SCML1: variants seen among roughly 807,000 people sequenced by gnomAD.
The protein encoded by SCML1 is sex comb on midleg-like protein 1.
For missense variants in SCML1, 137 were observed against 258.1 expected (o/e 0.53, Z 3.22); for synonymous variants, 104 against 103.6 (o/e 1.00, Z -0.02).
Position 17,749,428 on chromosome X carries a change from A to T in SCML1, c.227A>T (p.Asp76Val), listed in dbSNP as rs748297098. 1.7e-6 allele frequency: 2 copies of T among 1,193,448 alleles called. No homozygotes were observed. The highest frequency in any genetic ancestry group is 2.3e-6 in the Non-Finnish European group (2 of 881,290). The change falls in exon 5 of 8, where the codon GAT (aspartate) becomes GTT (valine). Residue 76 changes from aspartate to valine, a missense_variant. Transcript: ENST00000380041. ...ATATATGATGCTCTGCAAAACCTGG[A>T]TAAGAAGATTGATGTGATTCGTAGA... is the stretch of plus-strand genomic sequence containing the variant. ...QVIYDALQNL[D>V]KKIDVIRRKV...
chrX:17,752,926 T>A (rs761038821), intron 7 of SCML1, among the ~76,000 whole-genome samples: 12 of 111,278 alleles, frequency 1.1e-4, no homozygotes, highest in African/African-American at 3.9e-4. Context: ...TTTTTACTAT[T>A]CATAGTCTTT....
chrX:17,743,355 CT>C (rs2066614700), intron 1 of SCML1, among the ~76,000 whole-genome samples: 2 of 111,577 alleles, frequency 1.8e-5, no homozygotes, highest in Admixed American at 9.6e-5. Flanking sequence ...GATAGGGTAG[CT>C]CTTTCATTAA....
At chrX:17,747,258 T>C (rs1383337041) in intron 4 of SCML1, among the ~76,000 whole-genome samples, 1 of 111,555 alleles carries the variant, frequency 9.0e-6, no homozygotes, top group Non-Finnish European at 1.9e-5. Context: ...CCTTGCTGCT[T>C]TCTGCATCTA....
At chrX:17,750,430 C>A in intron 6 of SCML1, 137 bp downstream of exon 6, 1 of 621,988 alleles carries the variant, frequency 1.6e-6, no homozygotes, top group Non-Finnish European at 2.4e-6. Flanking sequence ...GCCATATTTA[C>A]AAGTAGCACT....
intron 1 of SCML1, among the ~76,000 whole-genome samples, chrX:17,738,961 A>G (rs2066567953): frequency 8.9e-6 from 1 of 112,249 alleles, no homozygotes; most frequent in African/African-American, 3.2e-5. Flanking sequence ...AGTGAAAAGG[A>G]ACTAAAGTGT....
intron 6 of SCML1, 44 bp from the exon 7 acceptor site, chrX:17,751,771 G>A (rs765618128): frequency 2.6e-6 from 3 of 1,172,850 alleles, no homozygotes; most frequent in South Asian, 3.7e-5. Context: ...TGATCAGGTC[G>A]AGTGTGATTT....
rs1243987065 is a variant in SCML1, at chrX:17,753,641, T to C, written c.*249T>C. ...CTTTATAGGTCTTTAAAAATTACTT[T>C]TATTATATTGTTTACAAATATATTT... On this transcript the variant is annotated 3_prime_UTR_variant, in exon 8 of 8. Transcript: ENST00000380041. 1.2e-5 allele frequency: 2 copies of C among 169,770 alleles called. No homozygotes were observed. The highest frequency in any genetic ancestry group is 2.2e-5 in the Non-Finnish European group (2 of 91,826). The allele number at this position is 169,770 out of a possible 1,213,427, so 14.0% of individuals were successfully genotyped here.
chrX:17,749,870 T>G, intron 5 of SCML1, 24 bp from the exon 6 acceptor site: 1 of 1,180,292 alleles, frequency 8.5e-7, no homozygotes, highest in Non-Finnish European at 1.1e-6. Context: ...ACTGTTGGTT[T>G]ATGCTGTGTT....
chrX:17,749,356 T>G (rs2066680427), intron 4 of SCML1, 44 bp from the exon 5 acceptor site: 2 of 732,389 alleles, frequency 2.7e-6, no homozygotes, highest in African/African-American at 4.4e-5. Context: ...AAAATTATAT[T>G]TTACATTGTA....
intron 4 of SCML1, among the ~76,000 whole-genome samples, chrX:17,747,363 T>A: frequency 9.0e-6 from 1 of 111,113 alleles, no homozygotes; most frequent in Non-Finnish European, 1.9e-5. Flanking sequence ...CTACGAGTTC[T>A]CCCACATCTT....
rs1359799761 is a variant in SCML1, at chrX:17,745,551, G to T, written c.117+12G>T. 2.3e-5 allele frequency: 22 copies of T among 956,788 alleles called. No homozygotes were observed. The highest frequency in any genetic ancestry group is 3.0e-5 in the Non-Finnish European group (20 of 673,151). 78.9% of individuals were successfully genotyped at this position (956,788 alleles called of 1,213,427 possible). A position where few individuals can be genotyped will look rare whatever the true frequency, so the allele number is the denominator to read the frequency against. On this transcript the variant is annotated intron_variant, in intron 3 of 7. Coordinates refer to ENST00000380041, the MANE Select transcript of SCML1 (RefSeq NM_001037540.3). ...AATTTGTCAATAAAGTATGTTAATT[G>T]CTAATTGCCAAATATATTAACATTT...
intron 1 of SCML1, among the ~76,000 whole-genome samples, chrX:17,740,504 CA>C (rs749105829): frequency 0.013 from 1,268 of 94,901 alleles, 14 homozygotes; most frequent in African/African-American, 0.036. Flanking sequence ...ATTTTACAGA[CA>C]AAAAAAAAAA....
rs745606481 is a variant in SCML1 at position 17,753,266 on chromosome X, C to T, written c.864C>T (p.Asp288=). ...LVDLFRSHEI[D]GKALLLLTSD... ...GTTTCTTCTCTCCATAGGAAATTGA[C>T]GGGAAGGCTCTGCTCCTACTCACGA... Residue 288 remains aspartate, a synonymous_variant, in exon 8 of 8, where the codon GAC becomes GAT. Transcript: ENST00000380041. 23 of 1,135,579 alleles carry T rather than the reference C, an allele frequency of 2.0e-5. No individual in the cohort carries two copies. The East Asian group carries it at 4.0e-4, about 20-fold the overall frequency. The allele number at this position is 1,135,579 out of a possible 1,213,427, so 93.6% of individuals were successfully genotyped here.
intron 4 of SCML1, among the ~76,000 whole-genome samples, chrX:17,748,955 G>T (rs1454094360): frequency 8.9e-6 from 1 of 112,536 alleles, no homozygotes; most frequent in Non-Finnish European, 1.9e-5. Context: ...TTCTGGAGTG[G>T]AACACTCACT....
intron 2 of SCML1, 176 bp from the exon 3 acceptor site, chrX:17,745,280 C>T: frequency 2.5e-6 from 1 of 397,039 alleles, no homozygotes; most frequent in Non-Finnish European, 4.4e-6. Flanking sequence ...TTAATGAGAA[C>T]ACAGTTCTGC....
intron 6 of SCML1, 113 bp downstream of exon 6, chrX:17,750,406 G>A: frequency 2.4e-6 from 2 of 822,205 alleles, no homozygotes; most frequent in Non-Finnish European, 3.3e-6. Context: ...CTTCTGGTTT[G>A]GTGAGTTTGA....
chrX:17,749,827 T>C, intron 5 of SCML1, 67 bp from the exon 6 acceptor site: 1 of 962,523 alleles, frequency 1.0e-6, no homozygotes, highest in South Asian at 2.3e-5. Flanking sequence ...AGTATTAATG[T>C]ATTTGCTACT....
intron 6 of SCML1, among the ~76,000 whole-genome samples, chrX:17,751,377 A>T (rs754585093): frequency 8.9e-5 from 10 of 112,447 alleles, no homozygotes; most frequent in African/African-American, 3.2e-4. Flanking sequence ...AATTTCCATT[A>T]TATTTTGCTA....
Position 17,753,626 on chromosome X carries a change from C to A in SCML1, c.*234C>A. On this transcript the variant is annotated 3_prime_UTR_variant, in exon 8 of 8. Transcript: ENST00000380041. ...AATAGAAAATTCATTCTTTATAGGT[C>A]TTTAAAAATTACTTTTATTATATTG... The A allele has an allele frequency of 5.7e-6, 1 of 175,491 alleles. No homozygotes were observed. Among genetic ancestry groups the A allele is most frequent in the Non-Finnish European group, 1.1e-5 (1 of 95,219 alleles). The allele number at this position is 175,491 out of a possible 1,213,427, so 14.5% of individuals were successfully genotyped here. A position where few individuals can be genotyped will look rare whatever the true frequency, so the allele number is the denominator to read the frequency against.
Sources: gnomAD v4.1 joint callset for allele counts (sites outside exome capture counted in the v4.1 genomes callset) on GRCh38, gnomAD v4.1.1 for gene constraint, MANE v1.5 for transcripts, NCBI Gene and HGNC (gene_info 2026-07-23, HGNC 2026-07-21) for gene names.